NRIP2: variants seen among roughly 807,000 people sequenced by gnomAD.
NRIP2 encodes nuclear receptor-interacting protein 2.
Under a neutral mutation model 34.1 loss-of-function variants are expected in NRIP2, and 27 were observed. That is an observed-to-expected ratio of 0.79 (90% CI 0.58 to 1.09). NRIP2 has a LOEUF of 1.09. NRIP2 is among the 50% of genes least tolerant of loss of function. The probability of loss-of-function intolerance (pLI) is 0.00; values close to 1 mark genes in which losing one functional copy is unlikely to be tolerated. For missense variants in NRIP2, 385 were observed against 352.6 expected, an observed-to-expected ratio of 1.09 and a Z score of -0.74; for synonymous variants, 145 against 146.9, an observed-to-expected ratio of 0.99 and a Z score of 0.09.
intron 1 of NRIP2, among the ~76,000 whole-genome samples, chr12:2,833,260 C>T (rs2098012346): frequency 6.6e-6 from 1 of 152,090 alleles, no homozygotes; most frequent in Admixed American, 6.5e-5. Flanking sequence ...TAGGATGGTC[C>T]CCAGTAGGTT....
chr12:2,827,233 G>A lies in NRIP2; in HGVS notation c.820C>T (p.Pro274Ser), dbSNP rs1413801485. 2 of 1,614,138 alleles carry A rather than the reference G, an allele frequency of 1.2e-6. No individual in the cohort carries two copies. Among genetic ancestry groups the A allele is most frequent in the South Asian group, 2.2e-5 (2 of 91,082 alleles). ...KAPFSELPFL[P>S]LYQEPGQ ...CACTGGCCAGGCTCTTGGTACAAAG[G>A]CAGGAAGGGTAGCTCTGAGAACGGG... The change falls in exon 6 of 6, where the codon CCT (proline) becomes TCT (serine). Residue 274 changes from proline (P) to serine (S), a missense_variant. Pro to Ser is a moderately conservative substitution (Grantham distance 74). Coordinates refer to ENST00000337508, the MANE Select transcript of NRIP2 (RefSeq NM_031474.3). The surrounding 1 kb of genome is among the most constrained non-coding windows in gnomAD (Gnocchi z 4.0).
rs1161295677 is a variant in NRIP2, at chr12:2,827,861, C to G, written c.700+65G>C. 1 of 1,610,938 alleles carries G rather than the reference C, an allele frequency of 6.2e-7. No individual in the cohort carries two copies. ...TGCTGCAGGGAGTGAAAGTCTCAGCCTTTGCCCCACCCCAAAGAGAAAGGT... is the reference window on the plus strand; with the variant it reads ...TGCTGCAGGGAGTGAAAGTCTCAGCGTTTGCCCCACCCCAAAGAGAAAGGT... On this transcript the variant is annotated intron_variant, in intron 4 of 5. Transcript: ENST00000337508. The surrounding 1 kb of genome is among the most constrained non-coding windows in gnomAD (Gnocchi z 4.0).
intron 1 of NRIP2, among the ~76,000 whole-genome samples, chr12:2,831,520 G>A (rs2098002770): frequency 6.6e-6 from 1 of 151,748 alleles, no homozygotes; most frequent in Non-Finnish European, 1.5e-5. Flanking sequence ...GAAGGCAGAG[G>A]TTGCAATGAG....
At chr12:2,834,262 G>A (rs2098017262) in intron 1 of NRIP2, among the ~76,000 whole-genome samples, 1 of 152,174 alleles carries the variant, frequency 6.6e-6, no homozygotes, top group Non-Finnish European at 1.5e-5. Context: ...CTGTGGTTCG[G>A]GGGAAGCAGG....
Position 2,827,920 on chromosome 12 carries a change from A to G in NRIP2, c.700+6T>C. The stretch of plus-strand genomic sequence containing the variant: ...CACCAGGGCTGTTGCAGAAGGGGGG[A>G]CTTACCCACCACCTGTGCCGAGCAC... On this transcript the variant is annotated splice_donor_region_variant and intron_variant, in intron 4 of 5. Transcript: ENST00000337508. This position sits in a 1 kb window ranked among gnomAD's most constrained non-coding sequence, Gnocchi z 4.0. 1 of 1,613,820 alleles carries G rather than the reference A, an allele frequency of 6.2e-7. No homozygotes were observed.
At position 2,827,306 on chromosome 12, in the gene NRIP2, G is replaced by T; in HGVS notation, c.754-7C>A. The T allele has an allele frequency of 6.2e-7, 1 of 1,611,588 alleles. No homozygotes were observed. ...GCTCCAGGTCGATGCAGCACTGCGG[G>T]GTGTAGAGCAGTCATGCCAGGTCAC... On this transcript the variant is annotated splice_polypyrimidine_tract_variant and splice_region_variant and intron_variant, in intron 5 of 5. Coordinates refer to ENST00000337508, the MANE Select transcript of NRIP2 (RefSeq NM_031474.3). This position sits in a 1 kb window ranked among gnomAD's most constrained non-coding sequence, Gnocchi z 4.0.
chr12:2,828,480 A>G, intron 2 of NRIP2, 66 bp from the exon 3 acceptor site: 2 of 1,194,728 alleles, frequency 1.7e-6, no homozygotes, highest in East Asian at 2.3e-5. Context: ...TGGATCCTTC[A>G]GTTTCCCAGC....
Position 2,830,726 on chromosome 12 carries a change from A to T in NRIP2, c.477T>A (p.Ala159=). 1 of 1,612,596 alleles carries T rather than the reference A, an allele frequency of 6.2e-7. No individual in the cohort carries two copies. Among genetic ancestry groups the T allele is most frequent in the South Asian group, 1.1e-5 (1 of 90,852 alleles). The change falls in exon 2 of 6, where the codon GCT becomes GCA. Residue 159 remains alanine, a synonymous_variant. Coordinates refer to ENST00000337508, the MANE Select transcript of NRIP2 (RefSeq NM_031474.3). ...CTCTCACCTTGCAGTTGACCAGAAGAGCTGGAATCTCTGTCCTGCTGGTCT... is the reference window on the plus strand; with the variant it reads ...CTCTCACCTTGCAGTTGACCAGAAGTGCTGGAATCTCTGTCCTGCTGGTCT... ...RRKTSRTEIP[A]LLVNCKCQDQ... is the part of the protein sequence containing the mutation.
chr12:2,827,126 T>C lies in NRIP2; in HGVS notation c.*81A>G. 1 of 1,598,286 alleles carries C rather than the reference T, an allele frequency of 6.3e-7. No individual in the cohort carries two copies. The highest frequency in any genetic ancestry group is 8.5e-7 in the Non-Finnish European group (1 of 1,174,098). On this transcript the variant is annotated 3_prime_UTR_variant, in exon 6 of 6. Transcript: ENST00000337508. This position sits in a 1 kb window ranked among gnomAD's most constrained non-coding sequence, Gnocchi z 4.0. ...GCAGACACCATAGTCCCCAGCTACC[T>C]GGCTTCAAGAGCCCCCGTTCCCCAC...
At position 2,827,809 on chromosome 12, in the gene NRIP2, AG is replaced by A. The variant is rs2097976230; in HGVS notation, c.700+116del. 1 of 1,603,196 alleles carries A rather than the reference AG, an allele frequency of 6.2e-7. No homozygotes were observed. Among genetic ancestry groups the A allele is most frequent in the Non-Finnish European group, 8.5e-7 (1 of 1,175,264 alleles). On this transcript the variant is annotated intron_variant, in intron 4 of 5. Transcript: ENST00000337508. This position sits in a 1 kb window ranked among gnomAD's most constrained non-coding sequence, Gnocchi z 4.0. ...GGACACTGGCACAGAGATGGGGGAT[AG>A]TCAGAACATCTCTGGGAACTCCTCG...
intron 1 of NRIP2, 37 bp downstream of exon 1, chr12:2,834,605 G>A (rs775734442): frequency 1.4e-5 from 22 of 1,538,594 alleles, no homozygotes; most frequent in Non-Finnish European, 1.9e-5. Flanking sequence ...GAAGGAAAAG[G>A]CCAGGGGACG....
Position 2,827,782 on chromosome 12 carries a change from G to A in NRIP2, c.701-105C>T, listed in dbSNP as rs1017095046. The stretch of plus-strand genomic sequence containing the variant: ...CTCTGCCCACCCCATCCCCAGATCC[G>A]AGGACACTGGCACAGAGATGGGGGA... On this transcript the variant is annotated intron_variant, in intron 4 of 5. Coordinates refer to ENST00000337508, the MANE Select transcript of NRIP2 (RefSeq NM_031474.3). This position sits in a 1 kb window ranked among gnomAD's most constrained non-coding sequence, Gnocchi z 4.0. 1.9e-5 allele frequency: 30 copies of A among 1,605,686 alleles called. No homozygotes were observed. The South Asian group carries it at 1.9e-4, about 10-fold the overall frequency.
At chr12:2,829,651 T>C (rs2097989947) in intron 2 of NRIP2, among the ~76,000 whole-genome samples, 1 of 151,874 alleles carries the variant, frequency 6.6e-6, no homozygotes, top group Admixed American at 6.6e-5. Context: ...CTTGTAATTT[T>C]AGCTACTCAG....
chr12:2,829,383 A>C (rs2097988295), intron 2 of NRIP2, among the ~76,000 whole-genome samples: 1 of 152,240 alleles, frequency 6.6e-6, no homozygotes, highest in African/African-American at 2.4e-5. Context: ...AAGATATGTT[A>C]CCGGAAGGTA....
intron 1 of NRIP2, among the ~76,000 whole-genome samples, chr12:2,833,984 T>C (rs1294820460): frequency 2.0e-5 from 3 of 152,154 alleles, no homozygotes; most frequent in African/African-American, 7.2e-5. Context: ...AATGCCTGAA[T>C]CTGCAGTTTT....
At position 2,826,277 on chromosome 12, in the gene NRIP2, A is replaced by G. The variant is rs993681947; in HGVS notation, c.*930T>C. The G allele has an allele frequency of 6.6e-6, 1 of 152,062 alleles. No homozygotes were observed. The highest frequency in any genetic ancestry group is 1.5e-5 in the Non-Finnish European group (1 of 68,028). 9.4% of individuals were successfully genotyped at this position (152,062 alleles called of 1,614,324 possible). ...AGGGGGTTAGAAAGCCACTGATTCC[A>G]GGACAATACAAGCTTAAGCTCAAGA... is the stretch of plus-strand genomic sequence containing the variant. On this transcript the variant is annotated 3_prime_UTR_variant, in exon 6 of 6. Coordinates refer to ENST00000337508, the MANE Select transcript of NRIP2 (RefSeq NM_031474.3).
rs1270754260 is a variant in NRIP2 at position 2,835,005 on chromosome 12, T to G, written c.-22A>C. On this transcript the variant is annotated 5_prime_UTR_variant, in exon 1 of 6. Coordinates refer to ENST00000337508, the MANE Select transcript of NRIP2 (RefSeq NM_031474.3). The stretch of plus-strand genomic sequence containing the variant: ...ACATGCAGGAGCAGCCGCGTCAGTC[T>G]CCAATTTCCCGAGATTGCTGTAGAG... 1 of 1,532,912 alleles carries G rather than the reference T, an allele frequency of 6.5e-7. No individual in the cohort carries two copies. The highest frequency in any genetic ancestry group is 1.3e-5 in the South Asian group (1 of 78,992). The allele number at this position is 1,532,912 out of a possible 1,614,324, so 95.0% of individuals were successfully genotyped here.
intron 1 of NRIP2, among the ~76,000 whole-genome samples, chr12:2,834,000 GC>G (rs1312719317): frequency 5.9e-5 from 9 of 152,142 alleles, no homozygotes; most frequent in Non-Finnish European, 1.0e-4. Context: ...GTTTTCCGCC[GC>G]CCACTCACAT....
rs376589996 is a variant in NRIP2 at position 2,835,018 on chromosome 12, G to C, written c.-35C>G. Reference sequence around the variant, plus strand: ...GCCGCGTCAGTCTCCAATTTCCCGAGATTGCTGTAGAGGGAGTGAGACTCC... The same window carrying C: ...GCCGCGTCAGTCTCCAATTTCCCGACATTGCTGTAGAGGGAGTGAGACTCC... On this transcript the variant is annotated 5_prime_UTR_variant, in exon 1 of 6. In the 5' UTR this introduces an upstream ATG that the reference lacks. Transcript: ENST00000337508. 2 of 1,515,382 alleles carry C rather than the reference G, an allele frequency of 1.3e-6. No individual in the cohort carries two copies. The highest frequency in any genetic ancestry group is 1.4e-5 in the African/African-American group (1 of 72,850). 93.9% of individuals were successfully genotyped at this position (1,515,382 alleles called of 1,614,324 possible).
Sources: gnomAD v4.1 joint callset for allele counts (sites outside exome capture counted in the v4.1 genomes callset) on GRCh38, gnomAD v4.1.1 for gene constraint, Gnocchi (gnomAD v3.1) non-coding constraint, MANE v1.5 for transcripts, NCBI Gene and HGNC (gene_info 2026-07-23, HGNC 2026-07-21) for gene names.